CTNND2: variants seen among roughly 807,000 people sequenced by gnomAD.
CTNND2 encodes catenin delta 2, also known as catenin delta-2.
Under a neutral mutation model 144.4 loss-of-function variants are expected in CTNND2, and 22 were observed. The observed-to-expected ratio is 0.15, with a 90% CI of 0.11 to 0.22. The LOEUF is 0.22. CTNND2 is among the 10% of genes least tolerant of loss of function. The probability of loss-of-function intolerance (pLI) is 1.00; values close to 1 mark genes in which losing one functional copy is unlikely to be tolerated. For missense variants in CTNND2, 1,353 were observed against 1,618.8 expected (o/e 0.84, Z 2.82); for synonymous variants, 751 against 695.6 (o/e 1.08, Z -1.25).
At chr5:11,439,456 GGAA>G (rs1273474239) in intron 3 of CTNND2, among the ~76,000 whole-genome samples, 3 of 152,144 alleles carry the variant, frequency 2.0e-5, no homozygotes, top group African/African-American at 7.2e-5. Flanking sequence ...TTCTGTTAAT[GGAA>G]GAAGATGTGA....
intron 10 of CTNND2, among the ~76,000 whole-genome samples, chr5:11,232,548 T>A (rs554091194): frequency 6.6e-6 from 1 of 152,254 alleles, no homozygotes; most frequent in Admixed American, 6.5e-5. Flanking sequence ...CCCCTTGTTT[T>A]GGCCAATTTC....
chr5:11,890,834 C>G (rs1212711953), intron 1 of CTNND2, among the ~76,000 whole-genome samples: 1 of 152,086 alleles, frequency 6.6e-6, no homozygotes, highest in Non-Finnish European at 1.5e-5. Context: ...AGACAGGCGG[C>G]CAAAGTGGCT....
chr5:11,508,335 G>C (rs1416408874), intron 3 of CTNND2: 3 of 152,118 alleles, frequency 2.0e-5, no homozygotes, highest in Non-Finnish European at 4.4e-5. Context: ...TTTTTCCCTT[G>C]CTGTTCTGAT....
intron 8 of CTNND2, among the ~76,000 whole-genome samples, chr5:11,357,877 T>G (rs1436100749): frequency 6.6e-6 from 1 of 152,154 alleles, no homozygotes; most frequent in African/African-American, 2.4e-5. Flanking sequence ...GAGAGCTTTT[T>G]CTATTATAAT....
chr5:11,601,440 G>A (rs1485620045), intron 2 of CTNND2, among the ~76,000 whole-genome samples: 1 of 151,764 alleles, frequency 6.6e-6, no homozygotes, highest in Non-Finnish European at 1.5e-5. Flanking sequence ...ATAAATAATT[G>A]GAACAGATTT....
chr5:11,469,679 C>T (rs900040289), intron 3 of CTNND2, among the ~76,000 whole-genome samples: 7 of 152,106 alleles, frequency 4.6e-5, no homozygotes, highest in Admixed American at 4.6e-4. Context: ...TTGTAGATGC[C>T]CACTCAACAC....
chr5:11,738,016 G>A (rs1374945298), intron 1 of CTNND2, among the ~76,000 whole-genome samples: 1 of 152,186 alleles, frequency 6.6e-6, no homozygotes, highest in Non-Finnish European at 1.5e-5. Flanking sequence ...TACAAAAAGT[G>A]TTCAATTTTC....
intron 9 of CTNND2, among the ~76,000 whole-genome samples, chr5:11,272,451 C>A (rs766494610): frequency 1.3e-5 from 2 of 152,144 alleles, no homozygotes; most frequent in African/African-American, 2.4e-5. Context: ...TCAAGACCCA[C>A]AATAAAAACC....
chr5:11,475,657 G>C (rs1767657181), intron 3 of CTNND2, among the ~76,000 whole-genome samples: 1 of 152,178 alleles, frequency 6.6e-6, no homozygotes, highest in Non-Finnish European at 1.5e-5. Flanking sequence ...TTCTCAAAGA[G>C]AGTCAGCTGA....
At chr5:11,493,180 G>C (rs1239047769) in intron 3 of CTNND2, among the ~76,000 whole-genome samples, 1 of 152,054 alleles carries the variant, frequency 6.6e-6, no homozygotes. Context: ...AGTGACCTGC[G>C]TGGCCTTGCT....
At chr5:11,527,383 A>C (rs560284231) in intron 3 of CTNND2, among the ~76,000 whole-genome samples, 110 of 152,204 alleles carry the variant, frequency 7.2e-4, no homozygotes, top group African/African-American at 2.6e-3. Flanking sequence ...GCAAAGATAC[A>C]CTGTGCCCCA....
intron 2 of CTNND2, among the ~76,000 whole-genome samples, chr5:11,685,837 G>T (rs1336220637): frequency 6.6e-6 from 1 of 152,200 alleles, no homozygotes. Flanking sequence ...ACCAGAAGTT[G>T]TTTATCCTTA....
rs1748770268 is a variant in CTNND2, at chr5:11,295,112, C to T, written c.1628+51260G>A. On this transcript the variant is annotated intron_variant, in intron 9 of 21. Transcript: ENST00000304623. ...TGTCTCCGCCCAAAATCTCCTTAAG[C>T]TGATAGGCAACTTCAGCAAAGTCTC... Among the ~76,000 whole-genome samples the T allele has an allele frequency of 3.9e-5, 6 of 152,088 alleles. No individual in the cohort carries two copies. In the South Asian group the frequency reaches 1.2e-3, roughly 32 times the overall value.
chr5:11,778,319 G>C (rs996227780), intron 1 of CTNND2, among the ~76,000 whole-genome samples: 1 of 152,020 alleles, frequency 6.6e-6, no homozygotes, highest in Non-Finnish European at 1.5e-5. Flanking sequence ...CGGGGCAGGG[G>C]GGCAGTGGTG....
chr5:10,979,457 C>T (rs1194777678), intron 21 of CTNND2, among the ~76,000 whole-genome samples: 1 of 152,240 alleles, frequency 6.6e-6, no homozygotes, highest in Non-Finnish European at 1.5e-5. Context: ...CCAAGCCATT[C>T]ACCAGGGGGT....
chr5:11,528,192 T>C (rs948068200), intron 3 of CTNND2, among the ~76,000 whole-genome samples: 1 of 152,176 alleles, frequency 6.6e-6, no homozygotes, highest in Non-Finnish European at 1.5e-5. Context: ...GTACTTGGTG[T>C]CAAATGACAA....
intron 10 of CTNND2, among the ~76,000 whole-genome samples, chr5:11,210,799 T>C (rs945548926): frequency 2.0e-5 from 3 of 152,192 alleles, no homozygotes; most frequent in Non-Finnish European, 4.4e-5. Flanking sequence ...ACTGGACAGT[T>C]GCTTGTTTGG....
intron 11 of CTNND2, among the ~76,000 whole-genome samples, chr5:11,198,530 T>C (rs1051617157): frequency 6.6e-6 from 1 of 152,216 alleles, no homozygotes; most frequent in Non-Finnish European, 1.5e-5. Flanking sequence ...TTCATCAGCA[T>C]AGCTACAAGG....
At chr5:10,987,790 C>T (rs1430843287) in intron 20 of CTNND2, among the ~76,000 whole-genome samples, 1 of 150,282 alleles carries the variant, frequency 6.7e-6, no homozygotes, top group East Asian at 2.0e-4. Flanking sequence ...TCCATCGAGT[C>T]CCCTCCCCAG....
Sources: gnomAD v4.1 joint callset for allele counts (sites outside exome capture counted in the v4.1 genomes callset) on GRCh38, gnomAD v4.1.1 for gene constraint, MANE v1.5 for transcripts, NCBI Gene and HGNC (gene_info 2026-07-23, HGNC 2026-07-21) for gene names.